OSBPL9: variants seen among roughly 807,000 people sequenced by gnomAD.
OSBPL9 encodes oxysterol-binding protein-related protein 9.
OSBPL9 carries 40 observed loss-of-function variants against 106.6 expected under a neutral mutation model. The ratio of observed to expected loss-of-function variants is 0.38; its 90% confidence interval spans 0.29 to 0.49. OSBPL9 has a LOEUF of 0.49. OSBPL9 is among the 20% of genes least tolerant of loss of function. The pLI is 0.97. For missense variants in OSBPL9, 609 were observed against 887.2 expected (o/e 0.69, Z 3.98); for synonymous variants, 269 against 295.4 (o/e 0.91, Z 0.92).
intron 12 of OSBPL9, among the ~76,000 whole-genome samples, chr1:51,770,008 T>C (rs1054229372): frequency 4.6e-5 from 7 of 152,160 alleles, no homozygotes; most frequent in Non-Finnish European, 8.8e-5. Flanking sequence ...TCTCACTCTA[T>C]CACTCAGGCT....
chr1:51,563,182 C>T, the OSBPL9 span, among the ~76,000 whole-genome samples: 1 of 152,168 alleles, frequency 6.6e-6, no homozygotes, highest in African/African-American at 2.4e-5. Flanking sequence ...TGCACTGCAG[C>T]CTGGGTGACA....
rs144509406 is a variant in OSBPL9 at position 51,760,673 on chromosome 1, G to A, written c.583-17G>A. The A allele has an allele frequency of 6.3e-5, 102 of 1,613,236 alleles. No homozygotes were observed. In the East Asian group the frequency reaches 2.2e-3, roughly 35 times the overall value. ...GCATTTAATTAAAAATAGCTATATT[G>A]TGTTTCTTTATTTTAGAGTACTATT... is the stretch of plus-strand genomic sequence containing the variant. On this transcript the variant is annotated splice_polypyrimidine_tract_variant and intron_variant, in intron 9 of 23. Coordinates refer to ENST00000428468, the MANE Select transcript of OSBPL9 (RefSeq NM_024586.6).
chr1:51,682,542 G>T (rs894567673), intron 3 of OSBPL9, among the ~76,000 whole-genome samples: 1 of 151,926 alleles, frequency 6.6e-6, no homozygotes, highest in Non-Finnish European at 1.5e-5. Flanking sequence ...GGCAGATCAC[G>T]AGGTCAGGAG....
chr1:51,534,274 C>T, the OSBPL9 span, among the ~76,000 whole-genome samples: 5 of 150,958 alleles, frequency 3.3e-5, no homozygotes, highest in African/African-American at 1.2e-4. Flanking sequence ...TTTGAACAGT[C>T]TAGTAATTTT....
intron 2 of OSBPL9, among the ~76,000 whole-genome samples, chr1:51,609,221 T>G (rs1643968921): frequency 6.6e-6 from 1 of 152,188 alleles, no homozygotes; most frequent in African/African-American, 2.4e-5. Flanking sequence ...TTTTTCCTGG[T>G]TTCTCTTCTT....
At chr1:51,575,254 G>T (rs1045789977), upstream of OSBPL9, among the ~76,000 whole-genome samples, 6 of 152,152 alleles carry the variant, frequency 3.9e-5, no homozygotes. Flanking sequence ...AGGCTGGAGT[G>T]CAGTGGCCTG....
intron 8 of OSBPL9, among the ~76,000 whole-genome samples, chr1:51,752,028 T>C (rs748668759): frequency 6.6e-6 from 1 of 152,238 alleles, no homozygotes; most frequent in Admixed American, 6.5e-5. Flanking sequence ...GTACTGTATA[T>C]GGACTCTGTA....
At chr1:51,770,915 A>G (rs1170947193) in intron 12 of OSBPL9, among the ~76,000 whole-genome samples, 1 of 152,216 alleles carries the variant, frequency 6.6e-6, no homozygotes, top group East Asian at 1.9e-4. Flanking sequence ...ATCAAAACCG[A>G]TAGAACAGGC....
upstream of OSBPL9, among the ~76,000 whole-genome samples, chr1:51,576,432 C>A (rs1259160100): frequency 6.6e-6 from 1 of 152,200 alleles, no homozygotes; most frequent in East Asian, 1.9e-4. Context: ...ATGGGGCTCC[C>A]TAAAAACTTC....
intron 4 of OSBPL9, among the ~76,000 whole-genome samples, chr1:51,716,572 G>A (rs567323836): frequency 1.3e-5 from 2 of 152,316 alleles, no homozygotes; most frequent in Admixed American, 6.5e-5. Context: ...TGCAACTACT[G>A]TTCCTACCAT....
At chr1:51,655,158 G>A (rs1050788844) in intron 2 of OSBPL9, among the ~76,000 whole-genome samples, 1 of 152,100 alleles carries the variant, frequency 6.6e-6, no homozygotes, top group African/African-American at 2.4e-5. Flanking sequence ...ATCTCTGTTG[G>A]GTTTTGTGCT....
intron 2 of OSBPL9, among the ~76,000 whole-genome samples, chr1:51,658,852 A>G (rs1018766329): frequency 6.6e-6 from 1 of 151,924 alleles, no homozygotes; most frequent in Non-Finnish European, 1.5e-5. Context: ...ACTTTTATCA[A>G]TTGTCTTGTT....
At chr1:51,642,180 A>G (rs1045071708) in intron 1 of OSBPL9, among the ~76,000 whole-genome samples, 1 of 152,234 alleles carries the variant, frequency 6.6e-6, no homozygotes, top group Non-Finnish European at 1.5e-5. Context: ...GGCATAGTAC[A>G]TAAAATTGAG....
intron 3 of OSBPL9, among the ~76,000 whole-genome samples, chr1:51,710,338 G>A (rs181531750): frequency 5.3e-4 from 81 of 152,274 alleles, no homozygotes; most frequent in Non-Finnish European, 9.3e-4. Flanking sequence ...ATTATGTTCT[G>A]TGTTAGGTGT....
intron 1 of OSBPL9, among the ~76,000 whole-genome samples, chr1:51,637,594 G>T (rs1398099360): frequency 1.3e-5 from 2 of 152,226 alleles, no homozygotes; most frequent in African/African-American, 2.4e-5. Flanking sequence ...TGGCACATAA[G>T]TGCTCAGTAA....
intron 3 of OSBPL9, among the ~76,000 whole-genome samples, chr1:51,700,151 A>T (rs1656930391): frequency 6.6e-6 from 1 of 152,248 alleles, no homozygotes; most frequent in South Asian, 2.1e-4. Flanking sequence ...ACCTTGTGCC[A>T]TGCGGAGCCT....
At chr1:51,586,018 C>G (rs1173407623) in intron 1 of OSBPL9, among the ~76,000 whole-genome samples, 1 of 150,846 alleles carries the variant, frequency 6.6e-6, no homozygotes, top group Non-Finnish European at 1.5e-5. Flanking sequence ...ACTAATGATA[C>G]AAAAATTAGC....
intron 1 of OSBPL9, among the ~76,000 whole-genome samples, chr1:51,596,599 G>T (rs551117096): frequency 6.6e-6 from 1 of 150,680 alleles, no homozygotes; most frequent in Non-Finnish European, 1.5e-5. Flanking sequence ...GACCAACATG[G>T]TGAAACCCCA....
At chr1:51,528,166 G>A in the OSBPL9 span, among the ~76,000 whole-genome samples, 2 of 151,768 alleles carry the variant, frequency 1.3e-5, no homozygotes, top group Non-Finnish European at 2.9e-5. Flanking sequence ...GCATTATACT[G>A]GAGTTTCCAG....
Sources: allele counts gnomAD v4.1 joint callset (sites outside exome capture counted in the v4.1 genomes callset), GRCh38; gene constraint gnomAD v4.1.1; transcripts MANE v1.5; gene names NCBI Gene and HGNC (gene_info 2026-07-23, HGNC 2026-07-21).